KCNG3: variants seen among roughly 807,000 people sequenced by gnomAD.
KCNG3 encodes voltage-gated potassium channel regulatory subunit KCNG3.
KCNG3 carries 15 observed loss-of-function variants against 29.0 expected under a neutral mutation model. That is an observed-to-expected ratio of 0.52 (90% CI 0.35 to 0.80). The LOEUF (loss-of-function observed/expected upper bound fraction) is 0.80, where lower values mean the gene tolerates loss of function less well. Ranked by LOEUF, KCNG3 falls within the 30% of genes least tolerant of loss-of-function variation. The pLI, the probability that KCNG3 is intolerant of heterozygous loss-of-function variation, is 0.01. For missense variants in KCNG3, 512 were observed against 605.7 expected, an observed-to-expected ratio of 0.85 and a Z score of 1.62; for synonymous variants, 322 against 248.9, an observed-to-expected ratio of 1.29 and a Z score of -2.76.
chr2:42,423,740 G>A, the KCNG3 span, among the ~76,000 whole-genome samples: 1 of 151,026 alleles, frequency 6.6e-6, no homozygotes, highest in African/African-American at 2.4e-5. Context: ...AGCTCTTTAT[G>A]AATGGGGAGT....
intron 1 of KCNG3, among the ~76,000 whole-genome samples, chr2:42,480,531 A>G (rs906889502): frequency 1.5e-4 from 23 of 152,226 alleles, no homozygotes; most frequent in Admixed American, 6.5e-4. Flanking sequence ...AAGCTGCCAT[A>G]AACAATATGT....
At chr2:42,417,698 C>T in the KCNG3 span, among the ~76,000 whole-genome samples, 1 of 151,946 alleles carries the variant, frequency 6.6e-6, no homozygotes, top group African/African-American at 2.4e-5. Context: ...CAAAGTCAGG[C>T]GTGGTGGCTC....
At chr2:42,398,590 C>G in the KCNG3 span, among the ~76,000 whole-genome samples, 1 of 152,270 alleles carries the variant, frequency 6.6e-6, no homozygotes, top group East Asian at 1.9e-4. Context: ...TGAAACGGCC[C>G]AGGAGCAAAT....
the KCNG3 span, among the ~76,000 whole-genome samples, chr2:42,416,556 C>T: frequency 7.9e-5 from 12 of 152,070 alleles, no homozygotes; most frequent in East Asian, 1.9e-4. Flanking sequence ...AGGCTGGGCA[C>T]GGTGGCTCAC....
the KCNG3 span, among the ~76,000 whole-genome samples, chr2:42,406,787 A>G: frequency 6.7e-6 from 1 of 149,286 alleles, no homozygotes; most frequent in African/African-American, 2.5e-5. Context: ...AGATCGCACC[A>G]CTGCACTCCA....
At chr2:42,439,797 G>C (rs565187354), downstream of KCNG3, among the ~76,000 whole-genome samples, 1 of 150,810 alleles carries the variant, frequency 6.6e-6, no homozygotes. Context: ...CAGGCACCAC[G>C]ATGCCCAGCT....
At position 42,443,838 on chromosome 2, in the gene KCNG3, A is replaced by C; in HGVS notation, c.*96T>G. ...TTTTTACCCTACCAAGATGATGACAATGCCACTGCAGTGCTCACCCAGCAA... is the reference window on the plus strand; with the variant it reads ...TTTTTACCCTACCAAGATGATGACACTGCCACTGCAGTGCTCACCCAGCAA... On this transcript the variant is annotated 3_prime_UTR_variant, in exon 2 of 2. Transcript: ENST00000306078. 8.6e-7 allele frequency: 1 copy of C among 1,156,742 alleles called. No homozygotes were observed. The highest frequency in any genetic ancestry group is 1.5e-5 in the South Asian group (1 of 65,336). 71.7% of individuals were successfully genotyped at this position (1,156,742 alleles called of 1,614,324 possible). A position where few individuals can be genotyped will look rare whatever the true frequency, so the allele number is the denominator to read the frequency against.
chr2:42,422,983 G>A, the KCNG3 span, among the ~76,000 whole-genome samples: 2 of 152,100 alleles, frequency 1.3e-5, no homozygotes, highest in Admixed American at 1.3e-4. Context: ...CTCTTACAGA[G>A]GGACTTTTCA....
chr2:42,476,297 C>G (rs116820905), intron 1 of KCNG3, among the ~76,000 whole-genome samples: 14,799 of 150,796 alleles, frequency 0.098, 838 homozygotes, highest in South Asian at 0.22. Context: ...CATAGAGAAA[C>G]CCAGTCTCTA....
the KCNG3 span, among the ~76,000 whole-genome samples, chr2:42,421,717 T>C: frequency 1.3e-5 from 2 of 152,106 alleles, no homozygotes; most frequent in African/African-American, 4.8e-5. Context: ...CTCAGAATCT[T>C]AGAATTGGGG....
intron 1 of KCNG3, among the ~76,000 whole-genome samples, chr2:42,451,680 C>T (rs183092158): frequency 2.0e-4 from 31 of 151,630 alleles, no homozygotes; most frequent in Non-Finnish European, 3.8e-4. Flanking sequence ...GAGCTGAGAT[C>T]GTGCCACTGC....
intron 1 of KCNG3, among the ~76,000 whole-genome samples, chr2:42,491,959 T>A (rs988058972): frequency 6.6e-6 from 1 of 152,200 alleles, no homozygotes; most frequent in Admixed American, 6.5e-5. Context: ...TGAAAGTCCA[T>A]CCTTAGTCTG....
chr2:42,404,633 T>C, the KCNG3 span, among the ~76,000 whole-genome samples: 11 of 151,902 alleles, frequency 7.2e-5, no homozygotes, highest in Admixed American at 5.3e-4. Context: ...GAGGCTGAAG[T>C]GGGAGGATTG....
the KCNG3 span, among the ~76,000 whole-genome samples, chr2:42,425,833 T>G: frequency 1.3e-5 from 2 of 152,212 alleles, no homozygotes; most frequent in Non-Finnish European, 2.9e-5. Context: ...GAGACACCTT[T>G]GTGCTTCATT....
intron 1 of KCNG3, among the ~76,000 whole-genome samples, chr2:42,464,516 G>A (rs897820530): frequency 1.3e-5 from 2 of 152,192 alleles, no homozygotes; most frequent in Non-Finnish European, 2.9e-5. Context: ...AATACTCTGA[G>A]TACTGAGGTA....
chr2:42,446,229 T>G (rs1283272481), intron 1 of KCNG3, among the ~76,000 whole-genome samples: 1 of 151,938 alleles, frequency 6.6e-6, no homozygotes, highest in Non-Finnish European at 1.5e-5. Context: ...CAGGCTGGAG[T>G]GCAGTGGCAC....
chr2:42,439,862 C>T (rs954120324), downstream of KCNG3, among the ~76,000 whole-genome samples: 3 of 151,760 alleles, frequency 2.0e-5, no homozygotes, highest in African/African-American at 4.8e-5. Context: ...AGGCTGGTCT[C>T]GAACTCCTGA....
intron 1 of KCNG3, among the ~76,000 whole-genome samples, chr2:42,477,891 TA>T (rs574011075): frequency 0.096 from 4,356 of 45,594 alleles, 530 homozygotes; most frequent in Admixed American, 0.41. Context: ...AAAATATATA[TA>T]TATTTTTTTG....
chr2:42,493,579 T>TGCCC lies in KCNG3; in HGVS notation c.-82_-79dup. The TGCCC allele has an allele frequency of 8.3e-7, 1 of 1,211,028 alleles. No homozygotes were observed. 75.0% of individuals were successfully genotyped at this position (1,211,028 alleles called of 1,614,324 possible). On this transcript the variant is annotated 5_prime_UTR_variant, in exon 1 of 2. Coordinates refer to ENST00000306078, the MANE Select transcript of KCNG3 (RefSeq NM_133329.6). ...CCCAAGCCGCCACGCGGGGCCTGCC[T>TGCCC]GCCCGTGGCTGACGGGGGAGCGCGC...
Sources: gnomAD v4.1 joint callset for allele counts (sites outside exome capture counted in the v4.1 genomes callset) on GRCh38, gnomAD v4.1.1 for gene constraint, MANE v1.5 for transcripts, NCBI Gene and HGNC (gene_info 2026-07-23, HGNC 2026-07-21) for gene names.